UNC5C: variants seen among roughly 807,000 people sequenced by gnomAD.
UNC5C encodes unc-5 netrin receptor C.
In UNC5C, 47 loss-of-function variants were observed where a neutral mutation model predicts 99.8. That is an observed-to-expected ratio of 0.47 (90% CI 0.37 to 0.60). The LOEUF (loss-of-function observed/expected upper bound fraction) is 0.60, where lower values mean the gene tolerates loss of function less well. UNC5C is among the 20% of genes least tolerant of loss of function. UNC5C has a pLI of 0.00. For missense variants in UNC5C, 1,062 were observed against 1,165.9 expected (o/e 0.91, Z 1.30); for synonymous variants, 487 against 452.2 (o/e 1.08, Z -0.98).
intron 2 of UNC5C, among the ~76,000 whole-genome samples, chr4:95,312,026 G>A (rs563016675): frequency 6.6e-6 from 1 of 150,956 alleles, no homozygotes; most frequent in Admixed American, 6.6e-5. Context: ...TAGCTTGGGT[G>A]ACAGAGTGAA....
intron 1 of UNC5C, among the ~76,000 whole-genome samples, chr4:95,372,170 G>GAA (rs1744767609): frequency 6.6e-6 from 1 of 152,108 alleles, no homozygotes; most frequent in Non-Finnish European, 1.5e-5. Context: ...GGAAACTATT[G>GAA]ACCCTTCTCC....
intron 4 of UNC5C, among the ~76,000 whole-genome samples, chr4:95,260,089 C>G (rs6846193): frequency 6.6e-6 from 1 of 151,918 alleles, no homozygotes; most frequent in African/African-American, 2.4e-5. Flanking sequence ...TATGACTGCA[C>G]TGGTCCCCAA....
chr4:95,222,773 C>A (rs1738518978), intron 7 of UNC5C, among the ~76,000 whole-genome samples: 1 of 152,080 alleles, frequency 6.6e-6, no homozygotes, highest in Admixed American at 6.6e-5. Context: ...TAAGCTGAGA[C>A]CACCTCTCCC....
intron 4 of UNC5C, among the ~76,000 whole-genome samples, chr4:95,257,572 C>T (rs1740051173): frequency 6.6e-6 from 1 of 152,086 alleles, no homozygotes; most frequent in African/African-American, 2.4e-5. Context: ...GGCTTAAGGA[C>T]CCATTTACGG....
At chr4:95,496,939 C>G (rs766025823) in intron 1 of UNC5C, among the ~76,000 whole-genome samples, 1 of 151,926 alleles carries the variant, frequency 6.6e-6, no homozygotes, top group Non-Finnish European at 1.5e-5. Context: ...ATTTGGCTTT[C>G]CATTCCTGAG....
chr4:95,190,919 A>G (rs1737061197), intron 12 of UNC5C, among the ~76,000 whole-genome samples: 2 of 152,198 alleles, frequency 1.3e-5, no homozygotes, highest in South Asian at 4.1e-4. Context: ...AAGAGATTCC[A>G]CAGTAGAAAC....
intron 1 of UNC5C, among the ~76,000 whole-genome samples, chr4:95,369,950 CT>C (rs1480332586): frequency 1.3e-5 from 2 of 151,388 alleles, no homozygotes; most frequent in African/African-American, 4.9e-5. Flanking sequence ...CCCAGAATAA[CT>C]TTACCATCTG....
chr4:95,354,674 G>C (rs1744115925), intron 1 of UNC5C, among the ~76,000 whole-genome samples: 1 of 151,442 alleles, frequency 6.6e-6, no homozygotes, highest in South Asian at 2.1e-4. Context: ...GTAGAGATGG[G>C]GTCATGCTAT....
At chr4:95,370,929 T>C (rs1281497399) in intron 1 of UNC5C, among the ~76,000 whole-genome samples, 1 of 152,222 alleles carries the variant, frequency 6.6e-6, no homozygotes. Flanking sequence ...GAGGGAAAGC[T>C]ATAGGTTTAA....
At chr4:95,197,963 GTTGAGGGAGCCTC>G (rs1737498121) in intron 12 of UNC5C, among the ~76,000 whole-genome samples, 1 of 150,786 alleles carries the variant, frequency 6.6e-6, no homozygotes, top group Non-Finnish European at 1.5e-5. Context: ...ACTGCAGCAG[GTTGAGGGAGCCTC>G]TCCCTTTTTT....
intron 7 of UNC5C, among the ~76,000 whole-genome samples, chr4:95,229,666 T>C (rs1738830589): frequency 6.6e-6 from 1 of 152,118 alleles, no homozygotes; most frequent in African/African-American, 2.4e-5. Context: ...TTGGGTCAAA[T>C]GGTATTTCTG....
intron 1 of UNC5C, among the ~76,000 whole-genome samples, chr4:95,480,841 T>C (rs1377792920): frequency 1.3e-5 from 2 of 151,872 alleles, no homozygotes; most frequent in Non-Finnish European, 2.9e-5. Flanking sequence ...ATAAATTAGG[T>C]ATTGATGGGA....
At chr4:95,230,188 C>T (rs891958688) in intron 7 of UNC5C, among the ~76,000 whole-genome samples, 3 of 152,094 alleles carry the variant, frequency 2.0e-5, no homozygotes, top group Non-Finnish European at 2.9e-5. Context: ...TTGCATTTCT[C>T]TAATGACCAG....
intron 2 of UNC5C, among the ~76,000 whole-genome samples, chr4:95,316,772 C>G (rs1220984543): frequency 6.6e-6 from 1 of 152,128 alleles, no homozygotes; most frequent in Non-Finnish European, 1.5e-5. Flanking sequence ...CTGTACATAT[C>G]TTATAAATGT....
intron 1 of UNC5C, among the ~76,000 whole-genome samples, chr4:95,398,679 T>C (rs144272724): frequency 6.6e-6 from 1 of 152,276 alleles, no homozygotes; most frequent in East Asian, 1.9e-4. Flanking sequence ...TAGAAGACAA[T>C]AGGGCATTGA....
At chr4:95,401,653 A>G (rs4406027) in intron 1 of UNC5C, among the ~76,000 whole-genome samples, 28,210 of 152,050 alleles carry the variant, frequency 0.19, 3,652 homozygotes, top group African/African-American at 0.37. Context: ...CTCAACATAT[A>G]TGTTCAGCGC....
chr4:95,394,674 T>TGTGTGTGTGTGTGTGTGTGTGTGTGC, intron 1 of UNC5C, among the ~76,000 whole-genome samples: 2 of 151,970 alleles, frequency 1.3e-5, no homozygotes, highest in African/African-American at 4.8e-5. Flanking sequence ...TGTGTGTGTG[T>TGTGTGTGTGTGTGTGTGTGTGTGTGC]GCTTTTCTCA....
intron 1 of UNC5C, among the ~76,000 whole-genome samples, chr4:95,471,829 CTTTT>C (rs112882888): frequency 2.0e-5 from 3 of 146,642 alleles, no homozygotes; most frequent in Admixed American, 2.0e-4. Context: ...TGCATTTTGT[CTTTT>C]TTTTTTTAAG....
intron 4 of UNC5C, among the ~76,000 whole-genome samples, chr4:95,253,954 C>T (rs142366834): frequency 6.6e-5 from 10 of 152,238 alleles, no homozygotes; most frequent in African/African-American, 9.6e-5. Flanking sequence ...GTTTCCTTTA[C>T]GTTTTTCTCA....
Sources: allele counts gnomAD v4.1 joint callset (sites outside exome capture counted in the v4.1 genomes callset), GRCh38; gene constraint gnomAD v4.1.1; transcripts MANE v1.5; gene names NCBI Gene and HGNC (gene_info 2026-07-23, HGNC 2026-07-21).